Variants in GLE1 observed in about 807,000 individuals in gnomAD.
GLE1 encodes GLE1 RNA export mediator, also known as mRNA export factor GLE1.
In GLE1, 78 loss-of-function variants were observed where a neutral mutation model predicts 97.3. The observed-to-expected ratio is 0.80, with a 90% CI of 0.67 to 0.97. The LOEUF (loss-of-function observed/expected upper bound fraction) is 0.97. GLE1 is among the 50% of genes least tolerant of loss of function. The pLI is 0.00. For missense variants in GLE1, 753 were observed against 857.5 expected, an observed-to-expected ratio of 0.88 and a Z score of 1.52; for synonymous variants, 302 against 313.4, an observed-to-expected ratio of 0.96 and a Z score of 0.39.
intron 9 of GLE1, chr9:128,532,658 T>G (rs899118894): frequency 1.1e-6 from 1 of 952,268 alleles, no homozygotes; most frequent in Non-Finnish European, 1.3e-6. Context: ...CCATTCTTAT[T>G]TTATAGATTG....
At chr9:128,523,933 C>T in intron 6 of GLE1, 87 bp downstream of exon 6, 2 of 1,269,088 alleles carry the variant, frequency 1.6e-6, no homozygotes, top group Non-Finnish European at 2.3e-6. Flanking sequence ...AAAAGTAATA[C>T]CTGCTATCTG....
chr9:128,511,115 A>C (rs1477063566), intron 2 of GLE1, among the ~76,000 whole-genome samples: 1 of 151,226 alleles, frequency 6.6e-6, no homozygotes, highest in Non-Finnish European at 1.5e-5. Flanking sequence ...GAGGCACTAG[A>C]ATTGCTTGAA....
chr9:128,521,968 C>T (rs1004186895), intron 3 of GLE1, among the ~76,000 whole-genome samples: 3 of 152,110 alleles, frequency 2.0e-5, no homozygotes, highest in East Asian at 1.9e-4. Flanking sequence ...AGTGGAGGTC[C>T]AGGAGAAAAT....
chr9:128,504,711 C>T (rs1297788916), upstream of GLE1: 42 of 880,946 alleles, frequency 4.8e-5, no homozygotes. Context: ...CGCGCGCGTC[C>T]CGGAAGCAGA....
chr9:128,508,310 G>A (rs906141423), intron 1 of GLE1, among the ~76,000 whole-genome samples: 6 of 152,080 alleles, frequency 3.9e-5, no homozygotes, highest in African/African-American at 1.4e-4. Flanking sequence ...ACTGGTTGAG[G>A]TGGGAGGATA....
chr9:128,515,821 G>T (rs769941936), intron 3 of GLE1, among the ~76,000 whole-genome samples, 182 bp downstream of exon 3: 8 of 152,118 alleles, frequency 5.3e-5, no homozygotes, highest in Non-Finnish European at 1.0e-4. Context: ...TTCAGATCCT[G>T]GCTGTTACAT....
intron 4 of GLE1, 89 bp downstream of exon 4, chr9:128,522,905 A>G: frequency 7.0e-7 from 1 of 1,423,540 alleles, no homozygotes; most frequent in Non-Finnish European, 9.9e-7. Flanking sequence ...AGAGTTGAAC[A>G]ACTTCTGAGT....
Position 128,516,875 on chromosome 9 carries a change from C to G in GLE1, c.432+1236C>G, listed in dbSNP as rs564275425. Among the ~76,000 whole-genome samples the G allele has an allele frequency of 2.3e-4, 35 of 152,184 alleles. No homozygotes were observed. In the South Asian group the frequency reaches 6.7e-3, roughly 29 times the overall value. ...TCCTGACCTCAGGTGATCCACCCAC[C>G]TCAGCCTCCCAAAGTGCTGGGATTA... On this transcript the variant is annotated intron_variant, in intron 3 of 15. Transcript: ENST00000309971.
chr9:128,523,274 A>G lies in GLE1; in HGVS notation c.582-6A>G, dbSNP rs746631656. 16 of 1,607,466 alleles carry G rather than the reference A, an allele frequency of 1.0e-5. No individual in the cohort carries two copies. Among genetic ancestry groups the G allele is most frequent in the Non-Finnish European group, 1.4e-5 (16 of 1,173,904 alleles). On this transcript the variant is annotated splice_region_variant and splice_polypyrimidine_tract_variant and intron_variant, in intron 4 of 15. Transcript: ENST00000309971. ...TGACTATTCCTCCCTGCCATTTTTC[A>G]TGCAGCTCCAGAGAAGCCTTGGGAC...
intron 3 of GLE1, among the ~76,000 whole-genome samples, chr9:128,520,956 GTC>G (rs1003158366): frequency 6.3e-4 from 96 of 151,970 alleles, no homozygotes; most frequent in Admixed American, 3.0e-3. Context: ...AGAGACGGGG[GTC>G]TCTCTGTTGC....
intron 2 of GLE1, among the ~76,000 whole-genome samples, chr9:128,512,236 G>A (rs1316013830): frequency 6.6e-6 from 1 of 152,192 alleles, no homozygotes; most frequent in Non-Finnish European, 1.5e-5. Flanking sequence ...TGGGGTGGTT[G>A]GTGGTGATAG....
At chr9:128,525,481 CAA>C (rs746006191) in intron 7 of GLE1, 58 bp downstream of exon 7, 224 of 1,047,638 alleles carry the variant, frequency 2.1e-4, no homozygotes, top group Non-Finnish European at 2.9e-4. Flanking sequence ...TGAAGAGAAA[CAA>C]GAGCATGTTT....
At chr9:128,535,155 C>T (rs895047713) in intron 11 of GLE1, among the ~76,000 whole-genome samples, 3 of 152,110 alleles carry the variant, frequency 2.0e-5, no homozygotes, top group African/African-American at 4.8e-5. Flanking sequence ...GCAGAAGGAT[C>T]GCTTGAGCCC....
At chr9:128,524,885 T>C (rs1177341594) in intron 6 of GLE1, among the ~76,000 whole-genome samples, 4 of 152,018 alleles carry the variant, frequency 2.6e-5, no homozygotes, top group Non-Finnish European at 5.9e-5. Flanking sequence ...AGATTCTGTC[T>C]CAAAAAATAA....
At chr9:128,508,843 G>C (rs773542362) in intron 1 of GLE1, 33 bp from the exon 2 acceptor site, 3 of 1,212,890 alleles carry the variant, frequency 2.5e-6, no homozygotes, top group Non-Finnish European at 3.7e-6. Flanking sequence ...CAGTTGACGT[G>C]TAAGTTGAGC....
At chr9:128,531,214 CAAAA>C (rs34976261) in intron 9 of GLE1, among the ~76,000 whole-genome samples, 7 of 40,868 alleles carry the variant, frequency 1.7e-4, no homozygotes, top group African/African-American at 5.4e-4. Context: ...AACTCCATCT[CAAAA>C]AAAAAAAAAA....
chr9:128,525,305 G>GAAGACA lies in GLE1; in HGVS notation c.1012_1013insAGACAA (p.Arg337_Arg338insLysThr). ...TCACCAGAGCCTGCGAAGACAAGAG[G>GAAGACA]AGGCAGGATGAAGAAGAGGCCCAGG... On this transcript the variant is annotated inframe_insertion, in exon 7 of 16. Coordinates refer to ENST00000309971, the MANE Select transcript of GLE1 (RefSeq NM_001003722.2). The GAAGACA allele has an allele frequency of 6.2e-7, 1 of 1,614,102 alleles. No homozygotes were observed. Among genetic ancestry groups the GAAGACA allele is most frequent in the Non-Finnish European group, 8.5e-7 (1 of 1,179,940 alleles).
chr9:128,537,534 A>G (rs917361351), intron 12 of GLE1, among the ~76,000 whole-genome samples: 4 of 151,354 alleles, frequency 2.6e-5, no homozygotes, highest in African/African-American at 9.7e-5. Flanking sequence ...TGGGCGAGGT[A>G]GATTCATGCC....
At chr9:128,541,008 A>G in intron 15 of GLE1, 94 bp from the exon 16 acceptor site, 1 of 814,170 alleles carries the variant, frequency 1.2e-6, no homozygotes, top group South Asian at 1.3e-5. Flanking sequence ...ATAGGGCTGA[A>G]ATATGGTGTT....
Sources: gnomAD v4.1 joint callset for allele counts (sites outside exome capture counted in the v4.1 genomes callset) on GRCh38, gnomAD v4.1.1 for gene constraint, MANE v1.5 for transcripts, NCBI Gene and HGNC (gene_info 2026-07-23, HGNC 2026-07-21) for gene names.